The following MCHR2 variants were observed in gnomAD, a reference collection of about 807,000 sequenced individuals.
The protein encoded by MCHR2 is melanin concentrating hormone receptor 2, also known as melanin-concentrating hormone receptor 2.
A neutral mutation model predicts 24.8 loss-of-function variants in MCHR2; 15 were observed. The ratio of observed to expected loss-of-function variants is 0.60; its 90% confidence interval spans 0.40 to 0.93. The LOEUF is 0.93. Ranked by LOEUF, MCHR2 falls within the 40% of genes least tolerant of loss-of-function variation. The pLI is 0.00. For missense variants in MCHR2, 386 were observed against 408.7 expected, an observed-to-expected ratio of 0.94 and a Z score of 0.48; for synonymous variants, 151 against 147.6, an observed-to-expected ratio of 1.02 and a Z score of -0.17.
At chr6:99,945,845 A>C (rs2114525812) in intron 3 of MCHR2, among the ~76,000 whole-genome samples, 1 of 152,230 alleles carries the variant, frequency 6.6e-6, no homozygotes, top group East Asian at 1.9e-4. Context: ...CATTGGATTA[A>C]AACAAAACAA....
At chr6:99,923,461 A>G (rs1320432309) in intron 5 of MCHR2, among the ~76,000 whole-genome samples, 2 of 152,006 alleles carry the variant, frequency 1.3e-5, no homozygotes. Context: ...CATCCTTGTC[A>G]TGTTCCAAAT....
intron 4 of MCHR2, among the ~76,000 whole-genome samples, chr6:99,940,351 C>T (rs1046934797): frequency 1.3e-5 from 2 of 152,072 alleles, no homozygotes; most frequent in Non-Finnish European, 1.5e-5. Context: ...CTTTGCTTGA[C>T]CCGTTCTGCT....
At chr6:99,934,911 T>C (rs141270966) in intron 4 of MCHR2, among the ~76,000 whole-genome samples, 245 of 152,154 alleles carry the variant, frequency 1.6e-3, no homozygotes, top group African/African-American at 5.7e-3. Context: ...ATGCCATTAG[T>C]GCCCTTACAT....
chr6:99,993,426 G>A (rs1033660099), intron 1 of MCHR2, among the ~76,000 whole-genome samples: 5 of 152,166 alleles, frequency 3.3e-5, no homozygotes, highest in African/African-American at 7.2e-5. Context: ...AAGGCCGTCC[G>A]GAGGCGCGTA....
chr6:99,974,583 CT>C (rs1177974807), intron 1 of MCHR2, among the ~76,000 whole-genome samples: 2 of 152,254 alleles, frequency 1.3e-5, no homozygotes, highest in Non-Finnish European at 1.5e-5. Context: ...CTCCATCCAG[CT>C]TTGTTCCGTT....
chr6:99,961,408 G>A (rs559724943), intron 1 of MCHR2, among the ~76,000 whole-genome samples: 4 of 152,198 alleles, frequency 2.6e-5, no homozygotes, highest in South Asian at 2.1e-4. Context: ...ACATGCACAT[G>A]TATGTTTACT....
At chr6:99,941,493 C>T (rs1188334469) in intron 4 of MCHR2, among the ~76,000 whole-genome samples, 1 of 151,960 alleles carries the variant, frequency 6.6e-6, no homozygotes, top group African/African-American at 2.4e-5. Flanking sequence ...CCTCAAAATT[C>T]CTATGTTGAA....
intron 1 of MCHR2, among the ~76,000 whole-genome samples, chr6:99,975,610 A>G (rs1241504736): frequency 6.6e-6 from 1 of 152,182 alleles, no homozygotes; most frequent in African/African-American, 2.4e-5. Context: ...CTCCCTAGTG[A>G]GATGAACCCG....
intron 2 of MCHR2, among the ~76,000 whole-genome samples, chr6:99,949,538 T>A (rs1052977960): frequency 3.9e-5 from 6 of 152,188 alleles, no homozygotes; most frequent in Non-Finnish European, 8.8e-5. Context: ...TTCTATAGCC[T>A]GTGAACTTCA....
At chr6:99,966,575 G>C (rs1775299068) in intron 1 of MCHR2, among the ~76,000 whole-genome samples, 1 of 152,086 alleles carries the variant, frequency 6.6e-6, no homozygotes, top group South Asian at 2.1e-4. Flanking sequence ...CTTGAAGAGT[G>C]AATGCCCAAC....
At chr6:99,928,893 T>G (rs1481792757) in intron 5 of MCHR2, among the ~76,000 whole-genome samples, 1 of 152,202 alleles carries the variant, frequency 6.6e-6, no homozygotes, top group Non-Finnish European at 1.5e-5. Flanking sequence ...TTGAATGTGT[T>G]TGCTCTTGGT....
At chr6:99,973,493 C>G (rs1775478896) in intron 1 of MCHR2, among the ~76,000 whole-genome samples, 1 of 152,198 alleles carries the variant, frequency 6.6e-6, no homozygotes, top group African/African-American at 2.4e-5. Context: ...ATACAGCACT[C>G]TGATGGGTCT....
intron 5 of MCHR2, among the ~76,000 whole-genome samples, chr6:99,923,513 T>A (rs1774284956): frequency 6.6e-6 from 1 of 152,136 alleles, no homozygotes; most frequent in Non-Finnish European, 1.5e-5. Flanking sequence ...TTCAGTATGA[T>A]GCTAGCTGGG....
intron 3 of MCHR2, among the ~76,000 whole-genome samples, chr6:99,944,845 C>T (rs1774845354): frequency 6.6e-6 from 1 of 152,058 alleles, no homozygotes; most frequent in Non-Finnish European, 1.5e-5. Flanking sequence ...TCTTTTTTCC[C>T]ACCTGGTTCT....
chr6:99,936,304 T>C (rs1774659244), intron 4 of MCHR2, among the ~76,000 whole-genome samples: 1 of 151,932 alleles, frequency 6.6e-6, no homozygotes, highest in South Asian at 2.1e-4. Context: ...TTTCCCTATG[T>C]TTTCTTCTTG....
At chr6:99,931,376 A>C (rs1420093104) in intron 5 of MCHR2, among the ~76,000 whole-genome samples, 1 of 152,134 alleles carries the variant, frequency 6.6e-6, no homozygotes, top group Non-Finnish European at 1.5e-5. Context: ...AAGCTGTCAG[A>C]CAGGGACATT....
intron 3 of MCHR2, 110 bp from the exon 4 acceptor site, chr6:99,943,253 G>A: frequency 3.2e-6 from 2 of 624,060 alleles, no homozygotes. Context: ...CCTTTCTGAA[G>A]CACACCTCTA....
intron 1 of MCHR2, among the ~76,000 whole-genome samples, chr6:99,975,470 G>T (rs1030113002): frequency 5.9e-5 from 9 of 152,198 alleles, no homozygotes; most frequent in African/African-American, 2.2e-4. Context: ...GGTATCGTCT[G>T]TCACCCCTTT....
chr6:99,968,613 T>G (rs1011339138), intron 1 of MCHR2, among the ~76,000 whole-genome samples: 1 of 152,188 alleles, frequency 6.6e-6, no homozygotes, highest in Non-Finnish European at 1.5e-5. Flanking sequence ...GGGATTTTTT[T>G]TTTTACTATC....
Sources: allele counts gnomAD v4.1 joint callset (sites outside exome capture counted in the v4.1 genomes callset), GRCh38; gene constraint gnomAD v4.1.1; transcripts MANE v1.5; gene names NCBI Gene and HGNC (gene_info 2026-07-23, HGNC 2026-07-21).